Variants in ABCB1 observed in about 807,000 individuals in gnomAD.
The protein encoded by ABCB1 is ATP-dependent translocase ABCB1.
In ABCB1, 69 loss-of-function variants were observed where a neutral mutation model predicts 142.0. The ratio of observed to expected loss-of-function variants is 0.49; its 90% confidence interval spans 0.40 to 0.59. ABCB1 has a LOEUF of 0.59. ABCB1 is among the 20% of genes least tolerant of loss of function. ABCB1 has a pLI of 0.00. For synonymous variants in ABCB1, 532 were observed against 539.2 expected, an observed-to-expected ratio of 0.99 and a Z score of 0.18; for missense variants, 1,326 against 1,554.7, an observed-to-expected ratio of 0.85 and a Z score of 2.47.
At chr7:87,568,414 A>AG (rs1371718008) in intron 5 of ABCB1, among the ~76,000 whole-genome samples, 1 of 86,272 alleles carries the variant, frequency 1.2e-5, no homozygotes, top group African/African-American at 6.7e-5. Flanking sequence ...ACTCCATCTC[A>AG]AAAAAAAAAA....
At chr7:87,574,219 A>G (rs1004344678) in intron 4 of ABCB1, among the ~76,000 whole-genome samples, 17 of 152,132 alleles carry the variant, frequency 1.1e-4, no homozygotes, top group African/African-American at 3.4e-4. Context: ...CACGGAAGGA[A>G]CAGAATGACA....
chr7:87,602,292 CTTTTTTTTTTTT>C (rs59849542), upstream of ABCB1, among the ~76,000 whole-genome samples: 8 of 92,410 alleles, frequency 8.7e-5, no homozygotes, highest in East Asian at 9.8e-4. Flanking sequence ...AGCTCGGCCT[CTTTTTTTTTTTT>C]TTTTTTTTTT....
chr7:87,709,402 C>G (rs1399795014), intron 1 of ABCB1: 2 of 985,268 alleles, frequency 2.0e-6, no homozygotes, highest in African/African-American at 3.5e-5. Context: ...CTTGCCTCTT[C>G]CTTCCTCTGT....
chr7:87,668,320 G>C (rs1169899316), intron 1 of ABCB1, among the ~76,000 whole-genome samples: 1 of 151,938 alleles, frequency 6.6e-6, no homozygotes, highest in Non-Finnish European at 1.5e-5. Context: ...TTTCTGTGGG[G>C]TCAGTAGTAA....
chr7:87,594,892 A>C (rs1294947736), intron 3 of ABCB1, among the ~76,000 whole-genome samples: 1 of 152,188 alleles, frequency 6.6e-6, no homozygotes, highest in Non-Finnish European at 1.5e-5. Flanking sequence ...ACCTTAAAAA[A>C]ATTGCTGTGT....
At chr7:87,543,325 A>C (rs927649108) in intron 17 of ABCB1, among the ~76,000 whole-genome samples, 1 of 152,210 alleles carries the variant, frequency 6.6e-6, no homozygotes, top group African/African-American at 2.4e-5. Context: ...AATATATTTA[A>C]TATTAAGCAT....
chr7:87,504,826 C>T (rs758247500), intron 27 of ABCB1, among the ~76,000 whole-genome samples: 4 of 149,758 alleles, frequency 2.7e-5, no homozygotes, highest in Middle Eastern at 3.4e-3. Flanking sequence ...AAAAAAAAAG[C>T]TCCACAACAA....
At chr7:87,550,903 C>G (rs1432038183) in intron 9 of ABCB1, 65 bp from the exon 10 acceptor site, 2 of 978,952 alleles carry the variant, frequency 2.0e-6, no homozygotes, top group African/African-American at 1.6e-5. Flanking sequence ...TTTCATACTT[C>G]TTCTGTCTTT....
intron 3 of ABCB1, among the ~76,000 whole-genome samples, chr7:87,588,061 A>G (rs1818837744): frequency 6.6e-6 from 1 of 152,094 alleles, no homozygotes; most frequent in Non-Finnish European, 1.5e-5. Flanking sequence ...ACATCTCTTA[A>G]TCTTAGACTA....
At chr7:87,519,656 G>C (rs1815407088) in intron 22 of ABCB1, among the ~76,000 whole-genome samples, 190 bp from the exon 23 acceptor site, 1 of 152,206 alleles carries the variant, frequency 6.6e-6, no homozygotes, top group Admixed American at 6.5e-5. Flanking sequence ...TAACCTCTGA[G>C]ACTCAGTGTC....
chr7:87,701,278 G>T (rs950131190), intron 1 of ABCB1, among the ~76,000 whole-genome samples: 16 of 152,266 alleles, frequency 1.1e-4, no homozygotes, highest in African/African-American at 3.4e-4. Context: ...AAAGAAGAAA[G>T]AAGTGAGCCT....
intron 1 of ABCB1, among the ~76,000 whole-genome samples, chr7:87,694,979 A>C (rs1462411723): frequency 1.3e-5 from 2 of 152,158 alleles, no homozygotes; most frequent in Non-Finnish European, 2.9e-5. Context: ...TAGACATTAC[A>C]TTGTCAATAC....
chr7:87,672,900 A>G (rs954513454), intron 1 of ABCB1, among the ~76,000 whole-genome samples: 1 of 152,130 alleles, frequency 6.6e-6, no homozygotes. Context: ...ATTAATCCCA[A>G]TGTGAGTACC....
At chr7:87,551,284 T>C (rs1817055007) in intron 9 of ABCB1, among the ~76,000 whole-genome samples, 1 of 152,230 alleles carries the variant, frequency 6.6e-6, no homozygotes, top group Non-Finnish European at 1.5e-5. Context: ...GCAAAAGTGC[T>C]GGGATCACAG....
In ABCB1 at chr7:87,550,307, G is replaced by A. The variant is rs201748631; in HGVS notation, c.1225-11C>T. On this transcript the variant is annotated splice_polypyrimidine_tract_variant and intron_variant, in intron 11 of 27. Transcript: ENST00000622132. Reference sequence around the variant, plus strand: ...CAGACCCTTCAAGATCTACCAGGACGAGTGAGAAAAAAACTTCAAGGCAAT... The same window carrying A: ...CAGACCCTTCAAGATCTACCAGGACAAGTGAGAAAAAAACTTCAAGGCAAT... 4.1e-5 allele frequency: 66 copies of A among 1,613,988 alleles called. No individual in the cohort carries two copies. The highest frequency in any genetic ancestry group is 2.7e-4 in the African/African-American group (20 of 74,900).
intron 1 of ABCB1, among the ~76,000 whole-genome samples, chr7:87,706,035 C>A (rs935974152): frequency 6.6e-6 from 1 of 152,094 alleles, no homozygotes; most frequent in Admixed American, 6.6e-5. Flanking sequence ...TTTTTAATAG[C>A]AGTTCTTGTT....
intron 1 of ABCB1, among the ~76,000 whole-genome samples, chr7:87,662,825 A>T (rs760648631): frequency 1.4e-4 from 22 of 152,032 alleles, no homozygotes; most frequent in Non-Finnish European, 2.1e-4. Flanking sequence ...TGCATTGAAT[A>T]TGTATACTGC....
At chr7:87,668,850 A>G (rs907009445) in intron 1 of ABCB1, among the ~76,000 whole-genome samples, 4 of 152,126 alleles carry the variant, frequency 2.6e-5, no homozygotes, top group African/African-American at 4.8e-5. Flanking sequence ...TGTGTTTGGT[A>G]TGATTTCAGT....
chr7:87,583,133 A>G (rs1818587703), intron 4 of ABCB1, among the ~76,000 whole-genome samples: 1 of 152,242 alleles, frequency 6.6e-6, no homozygotes, highest in African/African-American at 2.4e-5. Flanking sequence ...TTTGTGAGGA[A>G]CATGAAAGCC....
Sources: gnomAD v4.1 joint callset for allele counts (sites outside exome capture counted in the v4.1 genomes callset) on GRCh38, gnomAD v4.1.1 for gene constraint, MANE v1.5 for transcripts, NCBI Gene and HGNC (gene_info 2026-07-23, HGNC 2026-07-21) for gene names.